PRIM2: variants seen among roughly 807,000 people sequenced by gnomAD.
PRIM2 encodes DNA primase subunit 2.
Under a neutral mutation model 67.3 loss-of-function variants are expected in PRIM2, and 39 were observed. The observed-to-expected ratio is 0.58, with a 90% CI of 0.45 to 0.76. The LOEUF is 0.76. PRIM2 is among the 30% of genes least tolerant of loss of function. The pLI, the probability that PRIM2 is intolerant of heterozygous loss-of-function variation, is 0.00. For synonymous variants in PRIM2, 143 were observed against 198.7 expected (o/e 0.72, Z 2.36); for missense variants, 398 against 598.7 (o/e 0.66, Z 3.50).
chr6:57,455,532 A>G (rs1772738230), intron 7 of PRIM2, among the ~76,000 whole-genome samples: 1 of 152,092 alleles, frequency 6.6e-6, no homozygotes, highest in Non-Finnish European at 1.5e-5. Context: ...TCCCTTTACC[A>G]TTATGTAATG....
chr6:57,305,329 G>C, the PRIM2 span, among the ~76,000 whole-genome samples: 1 of 152,206 alleles, frequency 6.6e-6, no homozygotes, highest in East Asian at 1.9e-4. Flanking sequence ...TGGAATTAGG[G>C]ATAAGTACAG....
At chr6:57,241,092 T>C in the PRIM2 span, among the ~76,000 whole-genome samples, 9 of 151,260 alleles carry the variant, frequency 6.0e-5, no homozygotes, top group Non-Finnish European at 7.4e-5. Context: ...GGCATGGTGG[T>C]GGGCACCTGT....
At chr6:57,239,803 CCT>C in the PRIM2 span, among the ~76,000 whole-genome samples, 1 of 152,086 alleles carries the variant, frequency 6.6e-6, no homozygotes, top group African/African-American at 2.4e-5. Flanking sequence ...AGTGCCTTCC[CCT>C]GTTTTCTTCT....
chr6:57,331,233 T>C (rs1768050417), intron 5 of PRIM2, among the ~76,000 whole-genome samples: 1 of 151,920 alleles, frequency 6.6e-6, no homozygotes, highest in African/African-American at 2.4e-5. Context: ...GATTTTTGGA[T>C]GTTACACCAA....
chr6:57,541,225 G>A (rs1775142443), intron 10 of PRIM2, among the ~76,000 whole-genome samples: 1 of 152,168 alleles, frequency 6.6e-6, no homozygotes, highest in Non-Finnish European at 1.5e-5. Flanking sequence ...GTACAGTACT[G>A]TAAATGTATT....
intron 10 of PRIM2, among the ~76,000 whole-genome samples, chr6:57,547,308 CT>C (rs1356775523): frequency 7.4e-4 from 113 of 151,898 alleles, no homozygotes; most frequent in African/African-American, 2.6e-3. Context: ...GGTTTGTTAC[CT>C]GAGTATATTT....
chr6:57,304,802 A>G, the PRIM2 span, among the ~76,000 whole-genome samples: 2 of 152,332 alleles, frequency 1.3e-5, no homozygotes, highest in South Asian at 4.1e-4. Flanking sequence ...TCCCAAGTAC[A>G]TACTCGACTA....
intron 7 of PRIM2, among the ~76,000 whole-genome samples, chr6:57,424,543 A>AATGGAGATC (rs1285068951): frequency 1.3e-5 from 2 of 152,192 alleles, no homozygotes; most frequent in African/African-American, 2.4e-5. Flanking sequence ...GCGTATCAAG[A>AATGGAGATC]ATGGAGATCT....
chr6:57,385,978 A>G (rs1047330344), intron 7 of PRIM2, among the ~76,000 whole-genome samples: 2 of 150,804 alleles, frequency 1.3e-5, no homozygotes, highest in African/African-American at 2.4e-5. Context: ...TGCTCTGAAC[A>G]TTGTAGCACA....
chr6:57,335,371 A>C (rs993381947), intron 5 of PRIM2, among the ~76,000 whole-genome samples: 23 of 152,390 alleles, frequency 1.5e-4, no homozygotes, highest in African/African-American at 5.5e-4. Context: ...CAGCTCAAGG[A>C]GGCCTGCCTG....
At chr6:57,235,172 A>G in the PRIM2 span, among the ~76,000 whole-genome samples, 4 of 152,136 alleles carry the variant, frequency 2.6e-5, no homozygotes, top group Non-Finnish European at 5.9e-5. Context: ...AAACAAAAAC[A>G]AAGTGAAATA....
the PRIM2 span, among the ~76,000 whole-genome samples, chr6:57,236,108 G>A: frequency 2.0e-5 from 3 of 152,304 alleles, no homozygotes; most frequent in Non-Finnish European, 2.9e-5. Context: ...AGACTATATC[G>A]TAAGCTGAAT....
At chr6:57,549,221 AG>A (rs1218745852) in intron 10 of PRIM2, among the ~76,000 whole-genome samples, 3 of 152,222 alleles carry the variant, frequency 2.0e-5, no homozygotes, top group African/African-American at 7.2e-5. Flanking sequence ...TTAGCAAAGC[AG>A]GCATGCTGCT....
At chr6:57,595,050 G>A (rs1776342100) in intron 10 of PRIM2, among the ~76,000 whole-genome samples, 1 of 152,198 alleles carries the variant, frequency 6.6e-6, no homozygotes, top group Non-Finnish European at 1.5e-5. Context: ...TCAGGGAAAT[G>A]CAAAGTGAGA....
At chr6:57,232,056 A>G in the PRIM2 span, among the ~76,000 whole-genome samples, 7 of 152,334 alleles carry the variant, frequency 4.6e-5, no homozygotes, top group Middle Eastern at 3.4e-3. Flanking sequence ...ATTAAAGAAG[A>G]TAATCTGTCT....
intron 12 of PRIM2, among the ~76,000 whole-genome samples, chr6:57,619,708 A>T (rs1776817654): frequency 6.6e-6 from 1 of 152,198 alleles, no homozygotes; most frequent in African/African-American, 2.4e-5. Flanking sequence ...AACCCAATCC[A>T]ACAAAGACAA....
intron 7 of PRIM2, among the ~76,000 whole-genome samples, chr6:57,480,829 A>G (rs1442701853): frequency 2.6e-5 from 4 of 152,138 alleles, no homozygotes; most frequent in Non-Finnish European, 4.4e-5. Flanking sequence ...GGGTTTCACC[A>G]TGTTGCCAGG....
chr6:57,470,982 T>A (rs1773324922), intron 7 of PRIM2, among the ~76,000 whole-genome samples: 1 of 152,234 alleles, frequency 6.6e-6, no homozygotes, highest in African/African-American at 2.4e-5. Flanking sequence ...ATCTCATTCA[T>A]CTCTGCTCCA....
At chr6:57,341,398 A>T (rs1768483982) in intron 5 of PRIM2, among the ~76,000 whole-genome samples, 1 of 152,200 alleles carries the variant, frequency 6.6e-6, no homozygotes, top group Non-Finnish European at 1.5e-5. Flanking sequence ...AGAGTAACAA[A>T]GTATTGCAGA....
Sources: allele counts gnomAD v4.1 joint callset (sites outside exome capture counted in the v4.1 genomes callset), GRCh38; gene constraint gnomAD v4.1.1; transcripts MANE v1.5; gene names NCBI Gene and HGNC (gene_info 2026-07-23, HGNC 2026-07-21).